The following CCDC7 variants were observed in gnomAD, a reference collection of about 807,000 sequenced individuals.
The protein encoded by CCDC7 is coiled-coil domain containing 7.
In CCDC7, 183 loss-of-function variants were observed where a neutral mutation model predicts 196.9. The observed-to-expected ratio is 0.93, with a 90% CI of 0.82 to 1.05. The LOEUF is 1.05. CCDC7 is among the 50% of genes least tolerant of loss of function. The pLI, the probability that CCDC7 is intolerant of heterozygous loss-of-function variation, is 0.00. For missense variants in CCDC7, 1,540 were observed against 1,482.2 expected (o/e 1.04, Z -0.64); for synonymous variants, 525 against 484.6 (o/e 1.08, Z -1.10).
chr10:32,648,028 C>T (rs1457267485), intron 20 of CCDC7, among the ~76,000 whole-genome samples: 2 of 152,190 alleles, frequency 1.3e-5, no homozygotes, highest in Non-Finnish European at 2.9e-5. Flanking sequence ...ATGGGTTCAA[C>T]TTCAATATTC....
upstream of CCDC7, among the ~76,000 whole-genome samples, chr10:32,444,859 T>C (rs2030604762): frequency 6.6e-6 from 1 of 151,718 alleles, no homozygotes; most frequent in Non-Finnish European, 1.5e-5. Context: ...TGTTTTTTTT[T>C]TTTTTTCTTT....
At chr10:32,561,428 A>G (rs866942008) in intron 13 of CCDC7, among the ~76,000 whole-genome samples, 2 of 152,214 alleles carry the variant, frequency 1.3e-5, no homozygotes, top group African/African-American at 2.4e-5. Flanking sequence ...AATGTAAAAG[A>G]ACAGAAATTA....
intron 24 of CCDC7, among the ~76,000 whole-genome samples, chr10:32,704,668 A>C (rs2784587): frequency 6.6e-6 from 1 of 152,086 alleles, no homozygotes; most frequent in Admixed American, 6.5e-5. Flanking sequence ...CAGTTCGAAC[A>C]TCCCAGCCGC....
At chr10:32,600,405 T>G (rs2060873055) in intron 18 of CCDC7, among the ~76,000 whole-genome samples, 1 of 152,114 alleles carries the variant, frequency 6.6e-6, no homozygotes, top group African/African-American at 2.4e-5. Flanking sequence ...TGTACACTGA[T>G]TTTGTAACCT....
exon 2 of CCDC7, chr10:32,453,415 A>T: frequency 6.5e-7 from 1 of 1,548,606 alleles, no homozygotes; most frequent in South Asian, 1.3e-5. Context: ...TAAAGCATGA[A>T]CATGAAGAAT....
intron 21 of CCDC7, among the ~76,000 whole-genome samples, chr10:32,684,938 TC>T (rs1371629359): frequency 3.0e-5 from 4 of 131,654 alleles, no homozygotes. Flanking sequence ...TTTCTTCTTA[TC>T]CTTTGTGATT....
chr10:32,681,671 T>C (rs2075865280), intron 21 of CCDC7, among the ~76,000 whole-genome samples: 1 of 151,416 alleles, frequency 6.6e-6, no homozygotes, highest in Non-Finnish European at 1.5e-5. Flanking sequence ...TGTCCATAAT[T>C]GGACCTGAAA....
chr10:32,594,031 G>A (rs1329044430), intron 18 of CCDC7, among the ~76,000 whole-genome samples: 1 of 152,170 alleles, frequency 6.6e-6, no homozygotes, highest in African/African-American at 2.4e-5. Context: ...TGGCAATGCA[G>A]GCTCTTTTTT....
intron 25 of CCDC7, among the ~76,000 whole-genome samples, chr10:32,719,221 C>T (rs181024464): frequency 1.1e-3 from 164 of 152,192 alleles, no homozygotes; most frequent in African/African-American, 3.4e-3. Flanking sequence ...AATAATGTTA[C>T]GCATGTAGAA....
intron 18 of CCDC7, among the ~76,000 whole-genome samples, chr10:32,627,409 G>T (rs569791403): frequency 1.3e-5 from 2 of 151,916 alleles, no homozygotes; most frequent in Non-Finnish European, 2.9e-5. Flanking sequence ...AACATTTTTT[G>T]ATGGAGTCAT....
Position 32,649,837 on chromosome 10 carries a change from T to C in CCDC7, c.2015-14217T>C, listed in dbSNP as rs142813509. Among the ~76,000 whole-genome samples the C allele has an allele frequency of 3.3e-5, 5 of 152,370 alleles. No individual in the cohort carries two copies. The East Asian group carries it at 9.6e-4, about 29-fold the overall frequency. The stretch of plus-strand genomic sequence containing the variant: ...ACTTCTGATTGTATTATGAAATTCT[T>C]GTAGTGAGCTTTTCAGCTCAGGAAG... On this transcript the variant is annotated intron_variant, in intron 20 of 41. Coordinates refer to ENST00000639629, the Ensembl canonical transcript of CCDC7.
chr10:32,494,469 A>G (rs1160598927), intron 9 of CCDC7, among the ~76,000 whole-genome samples: 1 of 151,754 alleles, frequency 6.6e-6, no homozygotes, highest in Non-Finnish European at 1.5e-5. Flanking sequence ...ATAGGTATAC[A>G]TGTGCCATGC....
chr10:32,703,620 G>T (rs946089184), intron 24 of CCDC7, among the ~76,000 whole-genome samples: 1 of 151,988 alleles, frequency 6.6e-6, no homozygotes, highest in African/African-American at 2.4e-5. Context: ...TTTCCAACTT[G>T]GTTCCATTCA....
chr10:32,500,087 A>G (rs556891246), intron 9 of CCDC7, among the ~76,000 whole-genome samples: 14 of 152,274 alleles, frequency 9.2e-5, no homozygotes, highest in African/African-American at 2.4e-5. Context: ...CGCCACTGTC[A>G]TCATGGCCCG....
chr10:32,557,555 G>A (rs1196499383), intron 13 of CCDC7, among the ~76,000 whole-genome samples: 1 of 152,000 alleles, frequency 6.6e-6, no homozygotes, highest in Non-Finnish European at 1.5e-5. Context: ...TTTGTATTTA[G>A]ATTGGGTATT....
At chr10:32,853,578 C>G (rs1422647264) in intron 40 of CCDC7, among the ~76,000 whole-genome samples, 1 of 152,136 alleles carries the variant, frequency 6.6e-6, no homozygotes, top group Non-Finnish European at 1.5e-5. Context: ...TTAATGTCAG[C>G]ATTTTTCCTC....
At chr10:32,532,078 T>A (rs1202738426) in intron 11 of CCDC7, among the ~76,000 whole-genome samples, 1 of 152,132 alleles carries the variant, frequency 6.6e-6, no homozygotes, top group Non-Finnish European at 1.5e-5. Context: ...CTTCTACTTA[T>A]TTTGGGTTTG....
intron 16 of CCDC7, among the ~76,000 whole-genome samples, chr10:32,577,350 AAAAAT>A (rs916653071): frequency 5.3e-5 from 8 of 152,140 alleles, no homozygotes; most frequent in Non-Finnish European, 7.4e-5. Context: ...ACTCCATCTC[AAAAAT>A]AAAATAAAAT....
intron 8 of CCDC7, among the ~76,000 whole-genome samples, chr10:32,490,895 T>C (rs2042044951): frequency 6.6e-6 from 1 of 152,204 alleles, no homozygotes; most frequent in Non-Finnish European, 1.5e-5. Flanking sequence ...ATTATAAATT[T>C]AATTCTTACG....
Sources: gnomAD v4.1 joint callset for allele counts (sites outside exome capture counted in the v4.1 genomes callset) on GRCh38, gnomAD v4.1.1 for gene constraint, MANE v1.5 for transcripts, NCBI Gene and HGNC (gene_info 2026-07-23, HGNC 2026-07-21) for gene names.